TGM2: variants seen among roughly 807,000 people sequenced by gnomAD.
The protein encoded by TGM2 is protein-glutamine gamma-glutamyltransferase 2.
A neutral mutation model predicts 75.6 loss-of-function variants in TGM2; 53 were observed. The observed-to-expected ratio is 0.70, with a 90% CI of 0.56 to 0.88. The LOEUF is 0.88. Among genes scored for constraint, TGM2 ranks in the 40% least tolerant of loss-of-function variants. TGM2 has a pLI of 0.00. For missense variants in TGM2, 842 were observed against 928.5 expected, an observed-to-expected ratio of 0.91 and a Z score of 1.21; for synonymous variants, 374 against 381.1, an observed-to-expected ratio of 0.98 and a Z score of 0.22.
At position 38,127,599 on chromosome 20, in the gene TGM2, C is replaced by G. The variant is rs993956017; in HGVS notation, c.*2620G>C. 6.5e-6 allele frequency: 1 copy of G among 153,030 alleles called. No individual in the cohort carries two copies. Among genetic ancestry groups the G allele is most frequent in the Non-Finnish European group, 1.5e-5 (1 of 68,826 alleles). 9.5% of individuals were successfully genotyped at this position (153,030 alleles called of 1,614,324 possible). ...ATCCAGTACTAGCCAGACTGGCTAC[C>G]GAGCACTTGAAATGCAGCTAGTTCA... On this transcript the variant is annotated 3_prime_UTR_variant, in exon 13 of 13. Coordinates refer to ENST00000361475, the MANE Select transcript of TGM2 (RefSeq NM_004613.4).
At chr20:38,152,308 C>T (rs904563405) in intron 3 of TGM2, among the ~76,000 whole-genome samples, 2 of 152,220 alleles carry the variant, frequency 1.3e-5, no homozygotes, top group African/African-American at 4.8e-5. Context: ...CTGCAGCAAC[C>T]AGCAGCCCTG....
At chr20:38,146,121 T>C (rs2075041998) in intron 6 of TGM2, 1 of 155,060 alleles carries the variant, frequency 6.4e-6, no homozygotes, top group African/African-American at 2.4e-5. Context: ...GGCCTTAAAT[T>C]TTGAAGATTT....
Position 38,130,246 on chromosome 20 carries a change from G to C in TGM2, c.2037C>G (p.Phe679Leu). Residue 679 changes from phenylalanine (F) to leucine (L), a missense_variant, in exon 13 of 13, where the codon TTC (phenylalanine) becomes TTG (leucine). By Grantham distance (22) the Phe-to-Leu change is conservative. Coordinates refer to ENST00000361475, the MANE Select transcript of TGM2 (RefSeq NM_004613.4). ...AGGCGGGGCCAATGATGACATTCCGGAAGCCCTTCACAGCCTTCAGCTTGT... is the reference window on the plus strand; with the variant it reads ...AGGCGGGGCCAATGATGACATTCCGCAAGCCCTTCACAGCCTTCAGCTTGT... ...ESDKLKAVKG[F>L]RNVIIGPA The C allele has an allele frequency of 1.2e-6, 2 of 1,613,460 alleles. No individual in the cohort carries two copies. Among genetic ancestry groups the C allele is most frequent in the Non-Finnish European group, 1.7e-6 (2 of 1,179,914 alleles).
At position 38,129,912 on chromosome 20, in the gene TGM2, C is replaced by T. The variant is rs2074805084; in HGVS notation, c.*307G>A. On this transcript the variant is annotated 3_prime_UTR_variant, in exon 13 of 13. Coordinates refer to ENST00000361475, the MANE Select transcript of TGM2 (RefSeq NM_004613.4). Reference sequence around the variant, plus strand: ...ATATGGTGGGTGGTCAATGGCTTTCCAAAGGGCATCTGGGCAGGAGAGGGA... The same window carrying T: ...ATATGGTGGGTGGTCAATGGCTTTCTAAAGGGCATCTGGGCAGGAGAGGGA... The T allele has an allele frequency of 6.5e-5, 28 of 431,084 alleles. No individual in the cohort carries two copies. In the South Asian group the frequency reaches 7.4e-4, roughly 11 times the overall value. 26.7% of individuals were successfully genotyped at this position (431,084 alleles called of 1,614,324 possible).
chr20:38,165,281 A>G, upstream of TGM2: 2 of 1,600,222 alleles, frequency 1.2e-6, no homozygotes, highest in African/African-American at 1.3e-5. Context: ...GCCGAGGCGG[A>G]GAGCGGCGCT....
At position 38,139,467 on chromosome 20, in the gene TGM2, CTT is replaced by C; in HGVS notation, c.1285_1286del (p.Lys429GlufsTer59). 6.2e-7 allele frequency: 1 copy of C among 1,614,220 alleles called. No individual in the cohort carries two copies. The highest frequency in any genetic ancestry group is 8.5e-7 in the Non-Finnish European group (1 of 1,180,050). On this transcript the variant is annotated frameshift_variant, in exon 9 of 13. Transcript: ENST00000361475. LOFTEE classifies it high-confidence loss of function. Reference sequence around the variant, plus strand: ...CCTCCCGCTCGTCTCGGCCCACGCTCTTAGTGCTGATCTTCAGCCCAACGATC... The same window carrying C: ...CCTCCCGCTCGTCTCGGCCCACGCTCAGTGCTGATCTTCAGCCCAACGATC... ...SLIVGLKIST[K>X]SVGRDEREDI...
At chr20:38,162,911 T>C (rs7265437) in intron 1 of TGM2, among the ~76,000 whole-genome samples, 71,004 of 151,740 alleles carry the variant, frequency 0.47, 19,053 homozygotes, top group Non-Finnish European at 0.62. Context: ...ATTTTTAACA[T>C]GATAGGTGCT....
intron 4 of TGM2, 106 bp from the exon 5 acceptor site, chr20:38,148,195 G>A (rs754774883): frequency 1.4e-6 from 2 of 1,472,826 alleles, no homozygotes; most frequent in Non-Finnish European, 1.9e-6. Flanking sequence ...GTCCCACACA[G>A]CAGACTGGGA....
At position 38,141,979 on chromosome 20, in the gene TGM2, G is replaced by C. The variant is rs567638377; in HGVS notation, c.995+85C>G. On this transcript the variant is annotated intron_variant, in intron 7 of 12. Transcript: ENST00000361475. ...AACTTTTAAGGCCCAATTCAAATGTGACCTCCTCCAAGAAGCCCTCCAAGG... is the reference window on the plus strand; with the variant it reads ...AACTTTTAAGGCCCAATTCAAATGTCACCTCCTCCAAGAAGCCCTCCAAGG... The C allele has an allele frequency of 2.6e-5, 40 of 1,544,668 alleles. No individual in the cohort carries two copies. The South Asian group carries it at 4.1e-4, about 16-fold the overall frequency.
intron 3 of TGM2, among the ~76,000 whole-genome samples, chr20:38,151,859 G>A (rs890618053): frequency 2.0e-5 from 3 of 152,178 alleles, no homozygotes; most frequent in Admixed American, 1.3e-4. Flanking sequence ...AGTTGTCTGT[G>A]GCCAGTGAGG....
chr20:38,134,758 G>C lies in TGM2; in HGVS notation c.1616-2258C>G, dbSNP rs539269952. ...AGAGAAAGAAGCAGCAGAGAAAGGA[G>C]GCAGGGGTGGGGGCAACTGGATTCC... is the stretch of plus-strand genomic sequence containing the variant. On this transcript the variant is annotated intron_variant, in intron 10 of 12. Coordinates refer to ENST00000361475, the MANE Select transcript of TGM2 (RefSeq NM_004613.4). 2.0e-4 allele frequency among the ~76,000 whole-genome samples: 31 copies of C among 152,324 alleles called. No homozygotes were observed. In the South Asian group the frequency reaches 5.4e-3, roughly 27 times the overall value.
chr20:38,157,091 C>T (rs747106358), intron 2 of TGM2, among the ~76,000 whole-genome samples: 10 of 152,194 alleles, frequency 6.6e-5, no homozygotes, highest in African/African-American at 1.9e-4. Context: ...AGACAGAGGA[C>T]GTTCTCTGCC....
chr20:38,142,120 G>T lies in TGM2; in HGVS notation c.939C>A (p.Ile313=). 2 of 1,614,132 alleles carry T rather than the reference G, an allele frequency of 1.2e-6. No individual in the cohort carries two copies. The highest frequency in any genetic ancestry group is 2.7e-5 in the African/African-American group (2 of 75,024). The change falls in exon 7 of 13, where the codon ATC becomes ATA. Residue 313 remains isoleucine (I), a synonymous_variant. Transcript: ENST00000361475. ...SAHDQNSNLL[I]EYFRNEFGEI... is the part of the protein sequence containing the mutation. ...CCCCAAACTCATTGCGGAAGTACTC[G>T]ATGAGAAGGTTGCTGTTCTGGTCAT...
intron 2 of TGM2, among the ~76,000 whole-genome samples, chr20:38,159,618 G>C (rs547159814): frequency 6.6e-6 from 1 of 152,348 alleles, no homozygotes; most frequent in South Asian, 2.1e-4. Flanking sequence ...ATTTCACAGA[G>C]GAACACACTG....
chr20:38,130,448 G>A (rs2074813770), intron 12 of TGM2, 79 bp from the exon 13 acceptor site: 12 of 1,474,172 alleles, frequency 8.1e-6, no homozygotes, highest in African/African-American at 4.2e-5. Flanking sequence ...AGGAAGTCAC[G>A]TGACCTCCGA....
Position 38,153,147 on chromosome 20 carries a change from C to T in TGM2, c.434-2090G>A, listed in dbSNP as rs374789772. On this transcript the variant is annotated intron_variant, in intron 3 of 12. Coordinates refer to ENST00000361475, the MANE Select transcript of TGM2 (RefSeq NM_004613.4). ...CGCATGGTCCCTGCGTGCCATGAGC[C>T]TCCAGGCACAACCTCATGTCCATCA... Among the ~76,000 whole-genome samples, 10 of 152,298 alleles carry T rather than the reference C, an allele frequency of 6.6e-5. No homozygotes were observed. In the East Asian group the frequency reaches 1.4e-3, roughly 21 times the overall value.
chr20:38,152,968 C>T (rs2122937872), intron 3 of TGM2, among the ~76,000 whole-genome samples: 1 of 148,360 alleles, frequency 6.7e-6, no homozygotes, highest in South Asian at 2.1e-4. Context: ...TGTTCCTGTC[C>T]TGTTGGCAGA....
chr20:38,131,711 C>T (rs529616352), intron 11 of TGM2, among the ~76,000 whole-genome samples: 1 of 152,210 alleles, frequency 6.6e-6, no homozygotes, highest in African/African-American at 2.4e-5. Context: ...CTGCTGTTTA[C>T]CATTTAAGTG....
rs372553139 is a variant in TGM2 at position 38,161,460 on chromosome 20, G to A, written c.150C>T (p.Tyr50=). ...WLTLHFEGRN[Y]EASVDSLTFS... ...AGGTGAGACTGTCTACACTGGCCTCGTAGTTGCGGCCCTCAAAGTGCAGGG... is the reference window on the plus strand; with the variant it reads ...AGGTGAGACTGTCTACACTGGCCTCATAGTTGCGGCCCTCAAAGTGCAGGG... The change falls in exon 2 of 13, where the codon TAC becomes TAT. Residue 50 remains tyrosine, a synonymous_variant. Coordinates refer to ENST00000361475, the MANE Select transcript of TGM2 (RefSeq NM_004613.4). The A allele has an allele frequency of 1.7e-5, 28 of 1,614,064 alleles. No homozygotes were observed. The highest frequency in any genetic ancestry group is 6.7e-5 in the Admixed American group (4 of 60,008).
Sources: allele counts gnomAD v4.1 joint callset (sites outside exome capture counted in the v4.1 genomes callset), GRCh38; gene constraint gnomAD v4.1.1; transcripts MANE v1.5; gene names NCBI Gene and HGNC (gene_info 2026-07-23, HGNC 2026-07-21).